RPS6KC1: variants seen among roughly 807,000 people sequenced by gnomAD.
The protein encoded by RPS6KC1 is ribosomal protein S6 kinase C1.
In RPS6KC1, 54 loss-of-function variants were observed where a neutral mutation model predicts 103.8. That is an observed-to-expected ratio of 0.52 (90% CI 0.42 to 0.65). The LOEUF (loss-of-function observed/expected upper bound fraction) is 0.65. Among genes scored for constraint, RPS6KC1 ranks in the 30% least tolerant of loss-of-function variants. The pLI, the probability that RPS6KC1 is intolerant of heterozygous loss-of-function variation, is 0.00. For missense variants in RPS6KC1, 1,151 were observed against 1,253.8 expected (o/e 0.92, Z 1.24); for synonymous variants, 439 against 438.7 (o/e 1.00, Z -0.01).
chr1:213,797,924 G>A, the RPS6KC1 span, among the ~76,000 whole-genome samples: 1 of 152,182 alleles, frequency 6.6e-6, no homozygotes, highest in South Asian at 2.1e-4. Flanking sequence ...GGAAAATCGA[G>A]ATACTCATTT....
the RPS6KC1 span, among the ~76,000 whole-genome samples, chr1:213,610,193 C>A: frequency 1.3e-5 from 2 of 152,144 alleles, no homozygotes; most frequent in Admixed American, 1.3e-4. Flanking sequence ...TGGTTCTGTA[C>A]GTTCCTGAGC....
chr1:213,526,007 T>C, the RPS6KC1 span, among the ~76,000 whole-genome samples: 197 of 151,584 alleles, frequency 1.3e-3, 1 homozygote, highest in African/African-American at 4.7e-3. Flanking sequence ...CCAGGGAGGG[T>C]CTTTGTTGAT....
intron 4 of RPS6KC1, 77 bp downstream of exon 4, chr1:213,104,646 C>G (rs1386120905): frequency 1.3e-6 from 1 of 748,524 alleles, no homozygotes; most frequent in Non-Finnish European, 2.1e-6. Context: ...ATAAAAAATG[C>G]CACTTTTGAA....
At chr1:213,695,891 C>A in the RPS6KC1 span, among the ~76,000 whole-genome samples, 1 of 152,194 alleles carries the variant, frequency 6.6e-6, no homozygotes, top group African/African-American at 2.4e-5. Context: ...GAGTAGAAAA[C>A]CCAAAGAATA....
intron 12 of RPS6KC1, among the ~76,000 whole-genome samples, chr1:213,246,542 TACAC>T (rs2094456808): frequency 6.6e-6 from 1 of 152,176 alleles, no homozygotes; most frequent in African/African-American, 2.4e-5. Flanking sequence ...TATCTGTTTT[TACAC>T]ACATACACAC....
chr1:213,745,683 C>T, the RPS6KC1 span, among the ~76,000 whole-genome samples: 1 of 152,052 alleles, frequency 6.6e-6, no homozygotes, highest in Non-Finnish European at 1.5e-5. Context: ...GACAAAGAGG[C>T]CAGTCCCATG....
chr1:213,791,020 T>G, the RPS6KC1 span, among the ~76,000 whole-genome samples: 1 of 95,550 alleles, frequency 1.0e-5, no homozygotes, highest in Non-Finnish European at 1.8e-5. Flanking sequence ...GATCCCTCAG[T>G]AGGGAAAGTC....
At chr1:213,756,146 G>C in the RPS6KC1 span, among the ~76,000 whole-genome samples, 6 of 152,226 alleles carry the variant, frequency 3.9e-5, no homozygotes, top group African/African-American at 1.4e-4. Flanking sequence ...CTTGAACACT[G>C]TTTTGTACTA....
intron 3 of RPS6KC1, among the ~76,000 whole-genome samples, chr1:213,085,440 A>G (rs908788153): frequency 6.6e-6 from 1 of 152,228 alleles, no homozygotes; most frequent in Non-Finnish European, 1.5e-5. Flanking sequence ...ACCAGTTTTC[A>G]GACTACTACA....
chr1:213,742,367 G>A, the RPS6KC1 span, among the ~76,000 whole-genome samples: 2 of 151,994 alleles, frequency 1.3e-5, no homozygotes, highest in Non-Finnish European at 2.9e-5. Flanking sequence ...CTTATTTGAC[G>A]TAGAATCTTT....
At chr1:213,338,290 T>C in the RPS6KC1 span, among the ~76,000 whole-genome samples, 1 of 152,234 alleles carries the variant, frequency 6.6e-6, no homozygotes, top group African/African-American at 2.4e-5. Flanking sequence ...GCCTGGATTC[T>C]GATTCCCTCC....
the RPS6KC1 span, among the ~76,000 whole-genome samples, chr1:213,847,014 A>T: frequency 6.6e-6 from 1 of 152,188 alleles, no homozygotes; most frequent in Admixed American, 6.5e-5. Context: ...GAGCCTATGA[A>T]TTTGTACCTC....
chr1:213,804,866 T>C, the RPS6KC1 span, among the ~76,000 whole-genome samples: 1 of 152,184 alleles, frequency 6.6e-6, no homozygotes, highest in Non-Finnish European at 1.5e-5. Context: ...AAAATGTTTA[T>C]TTGAGGGTTT....
chr1:213,586,684 T>C, the RPS6KC1 span, among the ~76,000 whole-genome samples: 2 of 152,194 alleles, frequency 1.3e-5, no homozygotes, highest in African/African-American at 2.4e-5. Flanking sequence ...TCTGGCTTTG[T>C]GATCTTTCCT....
the RPS6KC1 span, among the ~76,000 whole-genome samples, chr1:213,800,173 G>A: frequency 6.6e-6 from 1 of 152,132 alleles, no homozygotes; most frequent in African/African-American, 2.4e-5. Flanking sequence ...GGGGTGAGGG[G>A]AAACAAATAT....
chr1:213,588,127 G>A, the RPS6KC1 span, among the ~76,000 whole-genome samples: 39 of 152,118 alleles, frequency 2.6e-4, no homozygotes, highest in East Asian at 7.2e-3. Flanking sequence ...CCAGACTGGA[G>A]TACGGTGGCA....
chr1:213,577,634 A>G, the RPS6KC1 span, among the ~76,000 whole-genome samples: 6 of 152,186 alleles, frequency 3.9e-5, no homozygotes, highest in Non-Finnish European at 8.8e-5. Context: ...ACTGGGGCAA[A>G]GGTGACTGGT....
At chr1:213,225,277 T>C (rs1168265629) in intron 8 of RPS6KC1, among the ~76,000 whole-genome samples, 2 of 152,212 alleles carry the variant, frequency 1.3e-5, no homozygotes, top group Non-Finnish European at 2.9e-5. Flanking sequence ...AAATCACATA[T>C]GTTCTTGTGT....
chr1:213,765,482 G>A, the RPS6KC1 span, among the ~76,000 whole-genome samples: 33 of 152,132 alleles, frequency 2.2e-4, no homozygotes, highest in African/African-American at 2.7e-4. Flanking sequence ...GATTTGAAAC[G>A]GTCTGCTAAT....
Sources: gnomAD v4.1 joint callset for allele counts (sites outside exome capture counted in the v4.1 genomes callset) on GRCh38, gnomAD v4.1.1 for gene constraint, MANE v1.5 for transcripts, NCBI Gene and HGNC (gene_info 2026-07-23, HGNC 2026-07-21) for gene names.